Variants in ABCA3 observed in about 807,000 individuals in gnomAD.
ABCA3 encodes ATP binding cassette subfamily A member 3.
Under a neutral mutation model 172.8 loss-of-function variants are expected in ABCA3, and 88 were observed. The observed-to-expected ratio is 0.51, with a 90% CI of 0.43 to 0.61. The LOEUF (loss-of-function observed/expected upper bound fraction) is 0.61, where lower values mean the gene tolerates loss of function less well. Among genes scored for constraint, ABCA3 ranks in the 20% least tolerant of loss-of-function variants. The pLI, the probability that ABCA3 is intolerant of heterozygous loss-of-function variation, is 0.00. For synonymous variants in ABCA3, 1,066 were observed against 983.8 expected, an observed-to-expected ratio of 1.08 and a Z score of -1.56; for missense variants, 2,164 against 2,301.0, an observed-to-expected ratio of 0.94 and a Z score of 1.22.
chr16:2,332,816 C>CTT (rs1005728652), intron 1 of ABCA3: 108 of 476,554 alleles, frequency 2.3e-4, no homozygotes, highest in Middle Eastern at 1.2e-3. Context: ...CCTATGTGCC[C>CTT]TTTTTTTTTT....
chr16:2,294,158 C>T lies in ABCA3; in HGVS notation c.2414+1432G>A, dbSNP rs1260321440. ...TCAGCCTCCTGAGTAGCTGGGATTA[C>T]AGGCACCCACCACCACGCCCGGCTA... On this transcript the variant is annotated intron_variant, in intron 18 of 32. Coordinates refer to ENST00000301732, the MANE Select transcript of ABCA3 (RefSeq NM_001089.3). Among the ~76,000 whole-genome samples, 4 of 151,200 alleles carry T rather than the reference C, an allele frequency of 2.6e-5. No homozygotes were observed. The East Asian group carries it at 7.9e-4, about 30-fold the overall frequency.
chr16:2,289,202 T>C (rs932061054), intron 20 of ABCA3: 1 of 588,246 alleles, frequency 1.7e-6, no homozygotes, highest in Non-Finnish European at 3.0e-6. Context: ...AAGCTCCTGT[T>C]GAGCAGGGTG....
At chr16:2,330,141 C>T (rs1025676009) in intron 1 of ABCA3, among the ~76,000 whole-genome samples, 2 of 151,522 alleles carry the variant, frequency 1.3e-5, no homozygotes, top group Admixed American at 6.6e-5. Context: ...ACTAAAAACA[C>T]AAAAATTAGC....
Position 2,277,666 on chromosome 16 carries a change from G to T in ABCA3, c.4914C>A (p.Ser1638Arg). ...TGCCTTGGTGCTCATCTTCCAGGACGCTGCCTGCACAAAGGAGAGACGGTG... is the reference window on the plus strand; with the variant it reads ...TGCCTTGGTGCTCATCTTCCAGGACTCTGCCTGCACAAAGGAGAGACGGTG... ...KAFVDLTFPG[S>R]VLEDEHQGMV... Residue 1638 changes from serine (S) to arginine (R), a missense_variant, in exon 32 of 33, where the codon AGC becomes AGA. Transcript: ENST00000301732. This position sits in a 1 kb window ranked among gnomAD's most constrained non-coding sequence, Gnocchi z 5.3. 2 of 1,613,164 alleles carry T rather than the reference G, an allele frequency of 1.2e-6. No homozygotes were observed. Among genetic ancestry groups the T allele is most frequent in the Middle Eastern group, 3.3e-4 (2 of 6,062 alleles).
At position 2,304,118 on chromosome 16, in the gene ABCA3, G is replaced by A; in HGVS notation, c.1318C>T (p.Pro440Ser). ...MGIQWRDLLS[P>S]VNVDDDFCFG... ...CAGAAGTCGTCGTCCACGTTGACGG[G>A]ACTCAGGAGGTCTCGCCACTGGATG... The change falls in exon 12 of 33, where the codon CCC (proline) becomes TCC (serine). Residue 440 changes from proline to serine, a missense_variant. Physicochemically the swap from Pro to Ser is moderately conservative, Grantham distance 74. Around this residue, in one of 3 missense-constraint regions of ABCA3, gnomAD observed 1,343 missense variants for 1,369.6 expected, o/e 0.98. Coordinates refer to ENST00000301732, the MANE Select transcript of ABCA3 (RefSeq NM_001089.3). The A allele has an allele frequency of 3.7e-6, 6 of 1,614,166 alleles. No individual in the cohort carries two copies. Among genetic ancestry groups the A allele is most frequent in the Non-Finnish European group, 5.1e-6 (6 of 1,180,034 alleles).
intron 10 of ABCA3, among the ~76,000 whole-genome samples, chr16:2,311,324 C>T (rs915323974): frequency 1.3e-5 from 2 of 152,058 alleles, no homozygotes; most frequent in Non-Finnish European, 1.5e-5. Flanking sequence ...AATCTGCCTT[C>T]CCACAGATAT....
chr16:2,310,910 T>G (rs1036072020), intron 10 of ABCA3, among the ~76,000 whole-genome samples: 1 of 152,200 alleles, frequency 6.6e-6, no homozygotes, highest in African/African-American at 2.4e-5. Context: ...CTCCATAATG[T>G]CTGACTTAGC....
At position 2,285,698 on chromosome 16, in the gene ABCA3, G is replaced by T; in HGVS notation, c.3279-52C>A. The stretch of plus-strand genomic sequence containing the variant: ...CGGAGCACAGCACGTCTGGGTGGCA[G>T]GAGAGGTCGGGTTCTCGGTTATGAC... On this transcript the variant is annotated intron_variant, in intron 22 of 32. Coordinates refer to ENST00000301732, the MANE Select transcript of ABCA3 (RefSeq NM_001089.3). This position sits in a 1 kb window ranked among gnomAD's most constrained non-coding sequence, Gnocchi z 4.7. 1 of 1,537,260 alleles carries T rather than the reference G, an allele frequency of 6.5e-7. No individual in the cohort carries two copies. The highest frequency in any genetic ancestry group is 8.8e-7 in the Non-Finnish European group (1 of 1,136,012).
intron 12 of ABCA3, among the ~76,000 whole-genome samples, chr16:2,301,773 T>C (rs1188207822): frequency 6.6e-6 from 1 of 151,580 alleles, no homozygotes; most frequent in Non-Finnish European, 1.5e-5. Context: ...GTTAAGTATA[T>C]GTTGATGGGC....
intron 12 of ABCA3, among the ~76,000 whole-genome samples, chr16:2,300,865 G>A (rs1472206027): frequency 6.6e-6 from 1 of 152,192 alleles, no homozygotes; most frequent in Non-Finnish European, 1.5e-5. Flanking sequence ...CACCTGGAAC[G>A]GCATCTGGCA....
chr16:2,284,448 G>T lies in ABCA3; in HGVS notation c.3704-11C>A. 6.2e-7 allele frequency: 1 copy of T among 1,613,608 alleles called. No homozygotes were observed. The highest frequency in any genetic ancestry group is 1.7e-5 in the Admixed American group (1 of 60,032). ...CTTCCAGTTTTACAGCTGCGTTGGG[G>T]AGGTAAGATCAGTCTGCGCTGGAGG... On this transcript the variant is annotated splice_polypyrimidine_tract_variant and intron_variant, in intron 24 of 32. Coordinates refer to ENST00000301732, the MANE Select transcript of ABCA3 (RefSeq NM_001089.3). The surrounding 1 kb of genome is among the most constrained non-coding windows in gnomAD (Gnocchi z 5.9).
chr16:2,310,833 T>C (rs766100536), intron 10 of ABCA3, among the ~76,000 whole-genome samples: 6 of 152,020 alleles, frequency 3.9e-5, no homozygotes, highest in Non-Finnish European at 8.8e-5. Flanking sequence ...TTTTTCTTTT[T>C]CTTTATTGGT....
chr16:2,323,657 C>A lies in ABCA3; in HGVS notation c.479G>T (p.Arg160Leu). The A allele has an allele frequency of 1.2e-6, 2 of 1,614,170 alleles. No homozygotes were observed. The highest frequency in any genetic ancestry group is 1.7e-6 in the Non-Finnish European group (2 of 1,180,036). ...TGTTTGGGTCCACATGTAATTTCTCCGTGTGTAACTGAACCGTAGGTGATA... is the reference window on the plus strand; with the variant it reads ...TGTTTGGGTCCACATGTAATTTCTCAGTGTGTAACTGAACCGTAGGTGATA... ...VKYHLRFSYT[R>L]RNYMWTQTGS... The change falls in exon 7 of 33, where the codon CGG (arginine) becomes CTG (leucine). Residue 160 changes from arginine to leucine, a missense_variant. This residue lies in a region of ABCA3 where 1,343 missense variants were observed against 1,369.6 expected (regional missense o/e 0.98). Coordinates refer to ENST00000301732, the MANE Select transcript of ABCA3 (RefSeq NM_001089.3).
Position 2,298,372 on chromosome 16 carries a change from G to A in ABCA3, c.1896+14C>T, listed in dbSNP as rs775302217. On this transcript the variant is annotated intron_variant, in intron 15 of 32. Transcript: ENST00000301732. ...AGTGGAAACACCCCTGCACACCCCT[G>A]GCCCCCAACTCACCTGGGCGTAGAA... 1.2e-6 allele frequency: 2 copies of A among 1,613,874 alleles called. No individual in the cohort carries two copies. The highest frequency in any genetic ancestry group is 2.7e-5 in the African/African-American group (2 of 74,934).
At chr16:2,332,756 G>C (rs1312011356) in intron 1 of ABCA3, 1 of 1,010,854 alleles carries the variant, frequency 9.9e-7, no homozygotes, top group Non-Finnish European at 1.5e-6. Flanking sequence ...TTTATTTGTG[G>C]TTTGCAGGTA....
chr16:2,284,856 G>A lies in ABCA3; in HGVS notation c.3626C>T (p.Ala1209Val), dbSNP rs1003803048. ...GTTGAAGATGGTCAGCCTCGTGTAG[G>A]CAGTGGCCGCCCCCAAGAAGAAGAA... ...MNFFFLGAAT[A>V]YTRLTIFNIL... Residue 1209 changes from alanine to valine, a missense_variant, in exon 24 of 33, where the codon GCC (alanine) becomes GTC (valine). This residue lies in a region of ABCA3 where 795 missense variants were observed against 881.9 expected (regional missense o/e 0.90). Coordinates refer to ENST00000301732, the MANE Select transcript of ABCA3 (RefSeq NM_001089.3). This position sits in a 1 kb window ranked among gnomAD's most constrained non-coding sequence, Gnocchi z 5.9. 9 of 1,613,988 alleles carry A rather than the reference G, an allele frequency of 5.6e-6. No homozygotes were observed. Among genetic ancestry groups the A allele is most frequent in the Non-Finnish European group, 7.6e-6 (9 of 1,179,982 alleles).
intron 6 of ABCA3, 98 bp downstream of exon 6, chr16:2,324,306 G>C: frequency 6.7e-7 from 1 of 1,496,326 alleles, no homozygotes; most frequent in East Asian, 2.5e-5. Context: ...AGAGGTTTAA[G>C]GGAAAGCAGT....
intron 10 of ABCA3, among the ~76,000 whole-genome samples, chr16:2,315,203 T>TACACACACACACACAC (rs377647001): frequency 7.2e-6 from 1 of 138,424 alleles, no homozygotes; most frequent in Admixed American, 7.3e-5. Context: ...GTATGTATTT[T>TACACACACACACACAC]ACACACACAC....
At chr16:2,314,302 G>T (rs1431158351) in intron 10 of ABCA3, among the ~76,000 whole-genome samples, 1 of 152,156 alleles carries the variant, frequency 6.6e-6, no homozygotes, top group Admixed American at 6.5e-5. Flanking sequence ...AAAAGGAGGG[G>T]AATTCAGGCT....
Sources: gnomAD v4.1 joint callset for allele counts (sites outside exome capture counted in the v4.1 genomes callset) on GRCh38, gnomAD v4.1.1 for gene constraint, gnomAD v4.1.1 regional missense constraint, Gnocchi (gnomAD v3.1) non-coding constraint, MANE v1.5 for transcripts, NCBI Gene and HGNC (gene_info 2026-07-23, HGNC 2026-07-21) for gene names.